The following RASA1 variants were observed in gnomAD, a reference collection of about 807,000 sequenced individuals.
RASA1 encodes RAS p21 protein activator 1.
A neutral mutation model predicts 132.2 loss-of-function variants in RASA1; 25 were observed. The ratio of observed to expected loss-of-function variants is 0.19; its 90% CI spans 0.14 to 0.26. The LOEUF (loss-of-function observed/expected upper bound fraction) is 0.26, where lower values mean the gene tolerates loss of function less well. Among genes scored for constraint, RASA1 ranks in the 10% least tolerant of loss-of-function variants. The pLI is 1.00. For synonymous variants in RASA1, 477 were observed against 449.9 expected, an observed-to-expected ratio of 1.06 and a Z score of -0.76; for missense variants, 964 against 1,299.2, an observed-to-expected ratio of 0.74 and a Z score of 3.97.
chr5:87,276,298 C>T (rs750297303), intron 1 of RASA1, among the ~76,000 whole-genome samples: 6 of 152,100 alleles, frequency 3.9e-5, no homozygotes, highest in Admixed American at 6.6e-5. Flanking sequence ...ATACTGAATA[C>T]GGATGTTGTT....
chr5:87,315,450 G>A (rs1756252818), intron 1 of RASA1, among the ~76,000 whole-genome samples: 1 of 152,104 alleles, frequency 6.6e-6, no homozygotes, highest in Non-Finnish European at 1.5e-5. Flanking sequence ...ACAAAGGTAG[G>A]CCTCACAAAG....
intron 1 of RASA1, among the ~76,000 whole-genome samples, chr5:87,310,473 G>C (rs930246384): frequency 3.3e-5 from 5 of 152,118 alleles, no homozygotes; most frequent in African/African-American, 9.7e-5. Context: ...TATCTTACTT[G>C]AAAACAATGG....
chr5:87,324,218 A>G (rs1190089997), intron 1 of RASA1, among the ~76,000 whole-genome samples: 2 of 152,202 alleles, frequency 1.3e-5, no homozygotes, highest in Non-Finnish European at 2.9e-5. Context: ...ACACAGATAC[A>G]AGAGATTGAA....
intron 1 of RASA1, 81 bp from the exon 2 acceptor site, chr5:87,331,267 C>T (rs772984768): frequency 3.6e-6 from 5 of 1,380,176 alleles, no homozygotes; most frequent in Non-Finnish European, 4.1e-6. Context: ...TTTAAAACCT[C>T]TAGTAGTATG....
chr5:87,331,154 A>G, intron 1 of RASA1, 194 bp from the exon 2 acceptor site: 1 of 877,570 alleles, frequency 1.1e-6, no homozygotes, highest in East Asian at 2.5e-5. Flanking sequence ...GAACAAATTA[A>G]AGACCAAGTA....
chr5:87,377,040 G>C lies in RASA1; in HGVS notation c.2344G>C (p.Asp782His). Reference protein sequence around the residue: ...TLNDREISMEDEATTLFRATT... With the variant: ...TLNDREISMEHEATTLFRATT... Reference sequence around the variant, plus strand: ...AAATGACAGAGAAATAAGCATGGAAGGTATGGTATGGCCATGTTAGTGTGA... The same window carrying C: ...AAATGACAGAGAAATAAGCATGGAACGTATGGTATGGCCATGTTAGTGTGA... The change falls in exon 17 of 25, where the codon GAT becomes CAT. Residue 782 changes from aspartate (D) to histidine (H), a missense_variant and splice_region_variant. Transcript: ENST00000274376. The C allele has an allele frequency of 6.2e-7, 1 of 1,612,728 alleles. No individual in the cohort carries two copies.
intron 1 of RASA1, among the ~76,000 whole-genome samples, chr5:87,283,148 G>GTTTTTTTTTTTTTTTGT (rs200461511): frequency 2.9e-5 from 3 of 103,254 alleles, no homozygotes; most frequent in Admixed American, 9.6e-5. Context: ...TTTTTTTTGT[G>GTTTTTTTTTTTTTTTGT]TTTTTTTTTT....
chr5:87,374,514 C>T (rs193184543), intron 14 of RASA1, among the ~76,000 whole-genome samples, 194 bp downstream of exon 14: 4 of 143,024 alleles, frequency 2.8e-5, no homozygotes, highest in African/African-American at 1.0e-4. Flanking sequence ...GTGCTATGCC[C>T]TTGGTTTTTC....
intron 11 of RASA1, among the ~76,000 whole-genome samples, chr5:87,369,542 G>A (rs191517243): frequency 2.2e-4 from 33 of 152,072 alleles, no homozygotes; most frequent in Non-Finnish European, 1.3e-4. Context: ...CAATCTGTTT[G>A]TAACTTTATT....
chr5:87,283,249 T>C (rs1213902139), intron 1 of RASA1, among the ~76,000 whole-genome samples: 1 of 151,830 alleles, frequency 6.6e-6, no homozygotes, highest in Non-Finnish European at 1.5e-5. Context: ...TAAATCTGTT[T>C]TAAAAGAATT....
chr5:87,362,744 T>C lies in RASA1; in HGVS notation c.1453+73T>C. ...ATATGGAGCTCCGAACTTATTGTGA[T>C]ATATATTTAATAAGTTTTGACATGA... On this transcript the variant is annotated intron_variant, in intron 10 of 24. Transcript: ENST00000274376. 2.0e-6 allele frequency: 3 copies of C among 1,501,856 alleles called. No individual in the cohort carries two copies. The Admixed American group carries it at 5.1e-5, about 26-fold the overall frequency. 93.0% of individuals were successfully genotyped at this position (1,501,856 alleles called of 1,614,324 possible). A position where few individuals can be genotyped will look rare whatever the true frequency, so the allele number is the denominator to read the frequency against.
intron 1 of RASA1, among the ~76,000 whole-genome samples, chr5:87,312,335 C>CA: frequency 6.6e-6 from 1 of 152,116 alleles, no homozygotes; most frequent in Non-Finnish European, 1.5e-5. Context: ...AACATTTGTA[C>CA]AAAAATGTAA....
intron 6 of RASA1, among the ~76,000 whole-genome samples, chr5:87,344,722 C>G (rs1050991732): frequency 2.1e-4 from 30 of 141,810 alleles, no homozygotes; most frequent in African/African-American, 7.9e-4. Flanking sequence ...TCTTACTATG[C>G]TGCCCAGACT....
intron 17 of RASA1, among the ~76,000 whole-genome samples, chr5:87,377,414 T>G (rs1291269984): frequency 6.6e-6 from 1 of 152,210 alleles, no homozygotes; most frequent in African/African-American, 2.4e-5. Flanking sequence ...CACTGCAACC[T>G]CTACCTCTCA....
At chr5:87,283,171 T>C (rs1262274468) in intron 1 of RASA1, among the ~76,000 whole-genome samples, 1 of 150,754 alleles carries the variant, frequency 6.6e-6, no homozygotes, top group Non-Finnish European at 1.5e-5. Flanking sequence ...TTGGTTGTTA[T>C]TGTAGCTTGT....
intron 1 of RASA1, among the ~76,000 whole-genome samples, chr5:87,284,295 C>T (rs376316741): frequency 3.3e-5 from 5 of 152,276 alleles, no homozygotes; most frequent in African/African-American, 1.2e-4. Context: ...GGAATTCTTT[C>T]ATACATTATG....
chr5:87,357,349 G>A (rs889007538), intron 9 of RASA1, among the ~76,000 whole-genome samples: 3 of 151,852 alleles, frequency 2.0e-5, no homozygotes, highest in Non-Finnish European at 2.9e-5. Context: ...TCCAGATGAC[G>A]GATCCTGCCA....
intron 1 of RASA1, among the ~76,000 whole-genome samples, chr5:87,271,669 G>A (rs1753847984): frequency 6.6e-6 from 1 of 151,446 alleles, no homozygotes; most frequent in South Asian, 2.1e-4. Context: ...TTTTAGTAGA[G>A]ACAGGGTTTT....
At chr5:87,386,959 T>C in intron 23 of RASA1, 56 bp downstream of exon 23, 1 of 1,415,298 alleles carries the variant, frequency 7.1e-7, no homozygotes, top group Non-Finnish European at 1.0e-6. Flanking sequence ...TATAGCTGAG[T>C]TAACCCATTT....
Sources: gnomAD v4.1 joint callset for allele counts (sites outside exome capture counted in the v4.1 genomes callset) on GRCh38, gnomAD v4.1.1 for gene constraint, MANE v1.5 for transcripts, NCBI Gene and HGNC (gene_info 2026-07-23, HGNC 2026-07-21) for gene names.